GPAT3: variants seen among roughly 807,000 people sequenced by gnomAD.
The protein encoded by GPAT3 is glycerol-3-phosphate acyltransferase 3, also known as 1-AGP acyltransferase 9.
In GPAT3, 53 loss-of-function variants were observed where a neutral mutation model predicts 58.8. That is an observed-to-expected ratio of 0.90 (90% CI 0.72 to 1.13). The LOEUF (loss-of-function observed/expected upper bound fraction) is 1.13, where lower values mean the gene tolerates loss of function less well. GPAT3 is among the 50% of genes most tolerant of loss of function. GPAT3 has a pLI of 0.00. For synonymous variants in GPAT3, 197 were observed against 187.4 expected (o/e 1.05, Z -0.42); for missense variants, 511 against 527.6 (o/e 0.97, Z 0.31).
chr4:83,594,975 T>G lies in GPAT3; in HGVS notation c.854+15T>G. On this transcript the variant is annotated intron_variant, in intron 7 of 11. Coordinates refer to ENST00000264409, the MANE Select transcript of GPAT3 (RefSeq NM_032717.5). Reference sequence around the variant, plus strand: ...GTTACTAAGAGGTAAGCAGTGAAATTACTCAGCATTCACTGGAGTAGCATA... The same window carrying G: ...GTTACTAAGAGGTAAGCAGTGAAATGACTCAGCATTCACTGGAGTAGCATA... 6.2e-7 allele frequency: 1 copy of G among 1,605,424 alleles called. No individual in the cohort carries two copies. Among genetic ancestry groups the G allele is most frequent in the Non-Finnish European group, 8.5e-7 (1 of 1,172,302 alleles).
chr4:83,590,089 AAAAAAAAATTACATATATAC>A, intron 5 of GPAT3, 90 bp from the exon 6 acceptor site: 1 of 1,002,308 alleles, frequency 1.0e-6, no homozygotes, highest in Non-Finnish European at 1.4e-6. Flanking sequence ...TGAGACGCGA[AAAAAAAAATTACATATATAC>A]ACACACACAC....
chr4:83,558,598 T>C (rs1435794707), intron 2 of GPAT3, among the ~76,000 whole-genome samples: 1 of 152,170 alleles, frequency 6.6e-6, no homozygotes, highest in African/African-American at 2.4e-5. Flanking sequence ...TGGGATTAAA[T>C]AAAGTGAGAA....
Position 83,597,356 on chromosome 4 carries a change from A to G in GPAT3, c.911-74A>G, listed in dbSNP as rs946267390. The stretch of plus-strand genomic sequence containing the variant: ...ATTTTAAATTATTTTATATCAAAAT[A>G]ATTTCTTTTAAAATTTATTTTTAAA... On this transcript the variant is annotated intron_variant, in intron 8 of 11. Coordinates refer to ENST00000264409, the MANE Select transcript of GPAT3 (RefSeq NM_032717.5). The G allele has an allele frequency of 1.3e-4, 107 of 798,178 alleles. No homozygotes were observed. In the African/African-American group the frequency reaches 1.7e-3, roughly 13 times the overall value. The allele number at this position is 798,178 out of a possible 1,614,324, so 49.4% of individuals were successfully genotyped here. A position where few individuals can be genotyped will look rare whatever the true frequency, so the allele number is the denominator to read the frequency against.
intron 11 of GPAT3, among the ~76,000 whole-genome samples, chr4:83,604,413 C>G (rs1201868375): frequency 6.6e-6 from 1 of 152,152 alleles, no homozygotes; most frequent in African/African-American, 2.4e-5. Flanking sequence ...TCTAAAGAAA[C>G]TGAGTTGGGG....
intron 11 of GPAT3, among the ~76,000 whole-genome samples, chr4:83,602,092 T>G (rs1301624852): frequency 6.6e-6 from 1 of 152,224 alleles, no homozygotes; most frequent in African/African-American, 2.4e-5. Context: ...TCCACAGATG[T>G]CCTATAACCC....
chr4:83,586,352 C>T (rs1726375307), intron 3 of GPAT3, among the ~76,000 whole-genome samples: 1 of 152,174 alleles, frequency 6.6e-6, no homozygotes, highest in Non-Finnish European at 1.5e-5. Flanking sequence ...TCCCCAGACA[C>T]ACAGGGTCCT....
intron 2 of GPAT3, among the ~76,000 whole-genome samples, chr4:83,561,779 T>C (rs1725134115): frequency 6.7e-6 from 1 of 150,070 alleles, no homozygotes; most frequent in South Asian, 2.1e-4. Context: ...ATAACAAAAC[T>C]AATATCCTTT....
At chr4:83,535,740 G>C (rs1211870935), upstream of GPAT3, 2 of 985,318 alleles carry the variant, frequency 2.0e-6, no homozygotes. Context: ...GCCATGTGGG[G>C]AAGGAGGTGT....
rs151165668 is a variant in GPAT3 at position 83,572,533 on chromosome 4, A to C, written c.209-9029A>C. Among the ~76,000 whole-genome samples, 643 of 152,304 alleles carry C rather than the reference A, an allele frequency of 4.2e-3. 4 individuals carry two copies. The highest frequency in any genetic ancestry group is 0.015 in the African/African-American group (606 of 41,548). The stretch of plus-strand genomic sequence containing the variant: ...TTTTTCAATTAAAAAAATTAATTAC[A>C]GAAGCAATATATGAGCAATGTAGAA... On this transcript the variant is annotated intron_variant, in intron 2 of 11. Transcript: ENST00000264409.
chr4:83,576,475 A>G (rs1466365339), intron 2 of GPAT3, among the ~76,000 whole-genome samples: 1 of 150,882 alleles, frequency 6.6e-6, no homozygotes, highest in Non-Finnish European at 1.5e-5. Flanking sequence ...ACAGAGTCCC[A>G]CTCTGTCACC....
intron 2 of GPAT3, among the ~76,000 whole-genome samples, chr4:83,561,819 A>AAG (rs70965358): frequency 0.046 from 6,990 of 151,428 alleles, 526 homozygotes; most frequent in African/African-American, 0.16. Context: ...AAAAAAAAAA[A>AAG]AGAGAGAGAG....
chr4:83,539,962 G>A (rs10027616), intron 1 of GPAT3, among the ~76,000 whole-genome samples: 52,030 of 151,624 alleles, frequency 0.34, 9,785 homozygotes, highest in Middle Eastern at 0.5. Flanking sequence ...ATTTGAGACC[G>A]GCCTAGCCAA....
chr4:83,538,321 A>G (rs1393858846), intron 1 of GPAT3, among the ~76,000 whole-genome samples: 1 of 152,162 alleles, frequency 6.6e-6, no homozygotes, highest in Non-Finnish European at 1.5e-5. Flanking sequence ...TTAAAGTTCT[A>G]CTGTTTCTAC....
intron 3 of GPAT3, among the ~76,000 whole-genome samples, chr4:83,582,886 T>C (rs1436640939): frequency 6.6e-6 from 1 of 152,148 alleles, no homozygotes; most frequent in Non-Finnish European, 1.5e-5. Context: ...AGGTTTCACA[T>C]ATAATTTTGC....
intron 1 of GPAT3, 62 bp from the exon 2 acceptor site, chr4:83,544,474 T>C: frequency 6.7e-7 from 1 of 1,496,830 alleles, no homozygotes; most frequent in Middle Eastern, 1.8e-4. Context: ...ATAATCATGG[T>C]TGAAGTGTTT....
At chr4:83,587,434 T>G (rs1376931266) in intron 4 of GPAT3, 105 bp downstream of exon 4, 2 of 1,078,964 alleles carry the variant, frequency 1.9e-6, no homozygotes, top group South Asian at 3.1e-5. Flanking sequence ...ATTATTATTA[T>G]TATTATTTTT....
At chr4:83,559,278 A>G (rs1351985335) in intron 2 of GPAT3, among the ~76,000 whole-genome samples, 1 of 152,136 alleles carries the variant, frequency 6.6e-6, no homozygotes, top group Non-Finnish European at 1.5e-5. Context: ...TCATGGGACT[A>G]TCTCATGTGG....
intron 2 of GPAT3, among the ~76,000 whole-genome samples, chr4:83,547,409 C>T (rs966850950): frequency 1.1e-4 from 17 of 151,244 alleles, no homozygotes; most frequent in East Asian, 2.0e-4. Flanking sequence ...CCCGCCACCA[C>T]GCCCAGCTAA....
intron 11 of GPAT3, among the ~76,000 whole-genome samples, chr4:83,600,479 T>C (rs72654987): frequency 0.23 from 34,120 of 151,056 alleles, 4,708 homozygotes; most frequent in South Asian, 0.35. Context: ...AGGTTAACTA[T>C]ACCTACATTA....
Sources: gnomAD v4.1 joint callset for allele counts (sites outside exome capture counted in the v4.1 genomes callset) on GRCh38, gnomAD v4.1.1 for gene constraint, MANE v1.5 for transcripts, NCBI Gene and HGNC (gene_info 2026-07-23, HGNC 2026-07-21) for gene names.